OSBPL3: variants seen among roughly 807,000 people sequenced by gnomAD.
OSBPL3 encodes oxysterol-binding protein-related protein 3.
Under a neutral mutation model 120.1 loss-of-function variants are expected in OSBPL3, and 65 were observed. The ratio of observed to expected loss-of-function variants is 0.54; its 90% CI spans 0.44 to 0.67. OSBPL3 has a LOEUF of 0.67. Among genes scored for constraint, OSBPL3 ranks in the 30% least tolerant of loss-of-function variants. The probability of loss-of-function intolerance (pLI) is 0.00; values close to 1 mark genes in which losing one functional copy is unlikely to be tolerated. For synonymous variants in OSBPL3, 416 were observed against 402.6 expected (o/e 1.03, Z -0.40); for missense variants, 1,004 against 1,082.1 (o/e 0.93, Z 1.01).
At chr7:24,923,153 C>G (rs920825843) in intron 1 of OSBPL3, among the ~76,000 whole-genome samples, 2 of 152,184 alleles carry the variant, frequency 1.3e-5, no homozygotes, top group Non-Finnish European at 2.9e-5. Flanking sequence ...GGTTATCTAT[C>G]TAGAAAGGGC....
chr7:24,818,108 A>C lies in OSBPL3; in HGVS notation c.1949-1420T>G, dbSNP rs1794692217. 6.6e-6 allele frequency among the ~76,000 whole-genome samples: 1 copy of C among 152,186 alleles called. No individual in the cohort carries two copies. Among genetic ancestry groups the C allele is most frequent in the Non-Finnish European group, 1.5e-5 (1 of 68,030 alleles). The stretch of plus-strand genomic sequence containing the variant: ...AATCCTATTTATATAAAATGCCCCA[A>C]ACAGGCACATTTATAGGCTGGGGAA... On this transcript the variant is annotated intron_variant, in intron 17 of 22. Transcript: ENST00000313367. The surrounding 1 kb of genome is among the most constrained non-coding windows in gnomAD (Gnocchi z 4.0).
chr7:24,869,806 C>A (rs554854105), intron 5 of OSBPL3, among the ~76,000 whole-genome samples: 1 of 152,232 alleles, frequency 6.6e-6, no homozygotes, highest in African/African-American at 2.4e-5. Flanking sequence ...AATCACCACA[C>A]ACATGCCATA....
At chr7:24,832,509 CAAAGAAAAAAAAA>C (rs1796513426) in intron 15 of OSBPL3, among the ~76,000 whole-genome samples, 1 of 96,688 alleles carries the variant, frequency 1.0e-5, no homozygotes, top group Non-Finnish European at 2.1e-5. Context: ...GACTCTGCCT[CAAAGAAAAAAAAA>C]AAAAAAAAAG....
chr7:24,904,918 G>GGTGTGTGTGTGTGTGTGTGTGTGT (rs67222925), intron 1 of OSBPL3, among the ~76,000 whole-genome samples: 17 of 132,946 alleles, frequency 1.3e-4, no homozygotes, highest in African/African-American at 1.7e-4. Flanking sequence ...ATAATATACA[G>GGTGTGTGTGTGTGTGTGTGTGTGT]GTGTGTGTGT....
At chr7:24,868,025 A>G (rs919136224) in intron 5 of OSBPL3, among the ~76,000 whole-genome samples, 2 of 152,232 alleles carry the variant, frequency 1.3e-5, no homozygotes, top group African/African-American at 2.4e-5. Context: ...ATATTTCTTA[A>G]AAGTCAATTT....
chr7:24,868,143 C>T (rs564620135), intron 5 of OSBPL3, among the ~76,000 whole-genome samples: 1 of 151,668 alleles, frequency 6.6e-6, no homozygotes, highest in Non-Finnish European at 1.5e-5. Flanking sequence ...ATGGTGAAAC[C>T]CTGTCTCTAC....
intron 1 of OSBPL3, among the ~76,000 whole-genome samples, chr7:24,897,217 G>C (rs925364308): frequency 3.3e-5 from 5 of 152,052 alleles, no homozygotes; most frequent in Non-Finnish European, 7.4e-5. Flanking sequence ...AGATGTAAAG[G>C]CTCATGGCCT....
intron 12 of OSBPL3, among the ~76,000 whole-genome samples, chr7:24,845,653 TC>T (rs1489548903): frequency 1.0e-4 from 15 of 143,850 alleles, no homozygotes; most frequent in African/African-American, 3.9e-4. Context: ...CATCACTTTT[TC>T]CTAAAAAAAA....
chr7:24,882,212 C>T (rs1028601878), intron 2 of OSBPL3, among the ~76,000 whole-genome samples: 4 of 152,134 alleles, frequency 2.6e-5, no homozygotes, highest in African/African-American at 4.8e-5. Context: ...TCCATCACCA[C>T]GTACATTGTG....
intron 5 of OSBPL3, 75 bp from the exon 6 acceptor site, chr7:24,866,312 GC>G: frequency 9.1e-7 from 1 of 1,100,250 alleles, no homozygotes; most frequent in Non-Finnish European, 1.4e-6. Context: ...TCAAATTGAG[GC>G]CACTCTCAAA....
chr7:24,852,456 G>T lies in OSBPL3; in HGVS notation c.1158+48C>A. 1 of 1,407,504 alleles carries T rather than the reference G, an allele frequency of 7.1e-7. No homozygotes were observed. The highest frequency in any genetic ancestry group is 2.6e-5 in the East Asian group (1 of 38,612). 87.2% of individuals were successfully genotyped at this position (1,407,504 alleles called of 1,614,324 possible). On this transcript the variant is annotated intron_variant, in intron 11 of 22. Transcript: ENST00000313367. The surrounding 1 kb of genome is among the most constrained non-coding windows in gnomAD (Gnocchi z 4.1). The stretch of plus-strand genomic sequence containing the variant: ...GAAATAGAAATTACAAACCATTCAT[G>T]AGCCTGGACACATCTCAGGCATTCC...
rs1817690539 is a variant in OSBPL3 at position 24,977,337 on chromosome 7, C to T, written c.-150+2549G>A. On this transcript the variant is annotated intron_variant, in intron 1 of 22. Transcript: ENST00000313367. ...AGTACATCTAGACACTTGATATCAG[C>T]ACCAGAAAGTTTACAGCCCAATCTC... Among the ~76,000 whole-genome samples, 5 of 152,296 alleles carry T rather than the reference C, an allele frequency of 3.3e-5. No individual in the cohort carries two copies. The South Asian group carries it at 1.0e-3, about 32-fold the overall frequency.
chr7:24,800,143 C>G lies in OSBPL3; in HGVS notation c.*40G>C, dbSNP rs1168187354. 8.7e-7 allele frequency: 1 copy of G among 1,149,736 alleles called. No individual in the cohort carries two copies. The highest frequency in any genetic ancestry group is 1.3e-6 in the Non-Finnish European group (1 of 758,092). 71.2% of individuals were successfully genotyped at this position (1,149,736 alleles called of 1,614,324 possible). On this transcript the variant is annotated 3_prime_UTR_variant, in exon 23 of 23. Coordinates refer to ENST00000313367, the MANE Select transcript of OSBPL3 (RefSeq NM_015550.4). ...TTTGTGCCACTTCAGAAGGCAAGCA[C>G]AGGAGAAATACACTAATGTTATCTT...
rs1319738449 is a variant in OSBPL3 at position 24,797,968 on chromosome 7, T to C, written c.*2215A>G. On this transcript the variant is annotated 3_prime_UTR_variant, in exon 23 of 23. Transcript: ENST00000313367. This position sits in a 1 kb window ranked among gnomAD's most constrained non-coding sequence, Gnocchi z 4.8. ...AAAAGAAGTCATTTCCCCCTCAAGA[T>C]AGTTTTAAGCTTATAATATCAGGAT... The C allele has an allele frequency of 6.6e-6, 1 of 152,204 alleles. No homozygotes were observed. Among genetic ancestry groups the C allele is most frequent in the Non-Finnish European group, 1.5e-5 (1 of 68,010 alleles). 9.4% of individuals were successfully genotyped at this position (152,204 alleles called of 1,614,324 possible). A position where few individuals can be genotyped will look rare whatever the true frequency, so the allele number is the denominator to read the frequency against.
intron 19 of OSBPL3, among the ~76,000 whole-genome samples, chr7:24,812,761 A>G (rs1300512240): frequency 6.6e-6 from 1 of 152,182 alleles, no homozygotes; most frequent in Admixed American, 6.5e-5. Flanking sequence ...TGTGGTAAAA[A>G]TGGTGGGGCA....
intron 1 of OSBPL3, among the ~76,000 whole-genome samples, chr7:24,909,777 TTCTTTC>T (rs756704166): frequency 7.5e-6 from 1 of 132,498 alleles, no homozygotes; most frequent in Non-Finnish European, 1.6e-5. Flanking sequence ...TGTTTTTTTT[TTCTTTC>T]TTTTTTTTTT....
chr7:24,825,943 T>C (rs1286713589), intron 16 of OSBPL3, among the ~76,000 whole-genome samples: 1 of 152,154 alleles, frequency 6.6e-6, no homozygotes, highest in Non-Finnish European at 1.5e-5. Context: ...AAATGAACAA[T>C]GATCTGGACA....
upstream of OSBPL3, chr7:24,980,270 G>C (rs1413070899): frequency 1.3e-5 from 2 of 152,848 alleles, no homozygotes; most frequent in Non-Finnish European, 2.9e-5. Flanking sequence ...GGGCCCCGAG[G>C]GGGCGGGAGG....
intron 1 of OSBPL3, among the ~76,000 whole-genome samples, chr7:24,960,111 T>G (rs1815552190): frequency 6.6e-6 from 1 of 152,140 alleles, no homozygotes. Flanking sequence ...GATATATGCC[T>G]CAGCACCCAG....
Sources: allele counts gnomAD v4.1 joint callset (sites outside exome capture counted in the v4.1 genomes callset), GRCh38; gene constraint gnomAD v4.1.1; non-coding constraint Gnocchi (gnomAD v3.1); transcripts MANE v1.5; gene names NCBI Gene and HGNC (gene_info 2026-07-23, HGNC 2026-07-21).